KCTD16: variants seen among roughly 807,000 people sequenced by gnomAD.
The protein encoded by KCTD16 is potassium channel tetramerization domain containing 16, also known as BTB/POZ domain-containing protein KCTD16.
In KCTD16, 13 loss-of-function variants were observed where a neutral mutation model predicts 33.2. That is an observed-to-expected ratio of 0.39 (90% confidence interval 0.25 to 0.62). The LOEUF (loss-of-function observed/expected upper bound fraction) is 0.62. Among genes scored for constraint, KCTD16 ranks in the 20% least tolerant of loss-of-function variants. The pLI, the probability that KCTD16 is intolerant of heterozygous loss-of-function variation, is 0.50. For missense variants in KCTD16, 441 were observed against 525.1 expected (o/e 0.84, Z 1.57); for synonymous variants, 197 against 195.3 (o/e 1.01, Z -0.07).
At chr5:144,379,148 A>C (rs143221059) in intron 3 of KCTD16, among the ~76,000 whole-genome samples, 36 of 152,258 alleles carry the variant, frequency 2.4e-4, no homozygotes, top group Non-Finnish European at 4.7e-4. Flanking sequence ...TATGCCTTTT[A>C]CGACTACCCA....
chr5:144,238,335 T>C (rs1580811626), intron 3 of KCTD16, among the ~76,000 whole-genome samples: 1 of 152,190 alleles, frequency 6.6e-6, no homozygotes, highest in African/African-American at 2.4e-5. Context: ...AGGGACTTCT[T>C]TCTCAATGTC....
intron 3 of KCTD16, among the ~76,000 whole-genome samples, chr5:144,385,962 T>C (rs1351877169): frequency 2.0e-5 from 3 of 152,178 alleles, no homozygotes; most frequent in African/African-American, 4.8e-5. Flanking sequence ...ATATTCATGG[T>C]AGAGAGTGAG....
intron 2 of KCTD16, chr5:144,205,725 T>C (rs1753149718): frequency 5.0e-6 from 2 of 396,912 alleles, no homozygotes; most frequent in South Asian, 2.7e-4. Flanking sequence ...GAATATTTTC[T>C]CTGCTTTACT....
chr5:144,316,270 C>G lies in KCTD16; in HGVS notation c.832+108724C>G, dbSNP rs6879535. Among the ~76,000 whole-genome samples, 1,487 of 152,210 alleles carry G rather than the reference C, an allele frequency of 9.8e-3. 21 individuals are homozygous for G. The highest frequency in any genetic ancestry group is 0.034 in the African/African-American group (1,397 of 41,520). ...CTGCCCTGGGCATCTGCCTGGACTT[C>G]TTACAGAGGGAAACCGAGCTTGTAG... On this transcript the variant is annotated intron_variant, in intron 3 of 3. Transcript: ENST00000512467.
At chr5:144,467,094 T>A (rs1392246546) in intron 3 of KCTD16, among the ~76,000 whole-genome samples, 2 of 140,486 alleles carry the variant, frequency 1.4e-5, no homozygotes. Flanking sequence ...GTTATATATA[T>A]TATATATAAT....
At chr5:144,439,033 GTT>G (rs58143416) in intron 3 of KCTD16, among the ~76,000 whole-genome samples, 2,002 of 147,416 alleles carry the variant, frequency 0.014, 41 homozygotes, top group African/African-American at 0.046. Flanking sequence ...AATTTCATCT[GTT>G]TTTTTTTTCT....
intron 3 of KCTD16, among the ~76,000 whole-genome samples, chr5:144,254,412 A>C (rs933867244): frequency 6.6e-6 from 1 of 152,060 alleles, no homozygotes; most frequent in Admixed American, 6.5e-5. Context: ...TTATCTGGGA[A>C]ACAGTTTCCT....
chr5:144,378,962 T>C (rs977163964), intron 3 of KCTD16, among the ~76,000 whole-genome samples: 8 of 152,190 alleles, frequency 5.3e-5, no homozygotes, highest in Non-Finnish European at 8.8e-5. Context: ...CGATATTAAT[T>C]GTGGCCTTTC....
chr5:144,329,185 T>TC (rs1752289731), intron 3 of KCTD16, among the ~76,000 whole-genome samples: 1 of 152,180 alleles, frequency 6.6e-6, no homozygotes, highest in African/African-American at 2.4e-5. Flanking sequence ...ATTTGGCTGA[T>TC]CAGGCCTGAC....
chr5:144,325,214 A>G (rs1240646059), intron 3 of KCTD16, among the ~76,000 whole-genome samples: 1 of 152,158 alleles, frequency 6.6e-6, no homozygotes, highest in Non-Finnish European at 1.5e-5. Flanking sequence ...ACAGACACAC[A>G]TATACACAAA....
chr5:144,321,018 G>T (rs1018418459), intron 3 of KCTD16, among the ~76,000 whole-genome samples: 1 of 151,952 alleles, frequency 6.6e-6, no homozygotes, highest in African/African-American at 2.4e-5. Flanking sequence ...ACCACACTTG[G>T]GTAATTTTGT....
chr5:144,452,143 A>T (rs1753957098), intron 3 of KCTD16, among the ~76,000 whole-genome samples: 1 of 136,786 alleles, frequency 7.3e-6, no homozygotes, highest in Non-Finnish European at 1.5e-5. Context: ...AATATATATA[A>T]TATTATATAT....
intron 3 of KCTD16, among the ~76,000 whole-genome samples, chr5:144,230,045 G>A (rs750934538): frequency 1.2e-4 from 19 of 152,310 alleles, no homozygotes; most frequent in Middle Eastern, 3.4e-3. Context: ...GGGAGGCTGA[G>A]GGACAAGAAT....
chr5:144,365,611 T>A (rs1253551249), intron 3 of KCTD16, among the ~76,000 whole-genome samples: 1 of 152,190 alleles, frequency 6.6e-6, no homozygotes, highest in Non-Finnish European at 1.5e-5. Flanking sequence ...TAGCCTGTTG[T>A]TTTCTTGAGA....
chr5:144,389,591 A>G (rs1311316068), intron 3 of KCTD16, among the ~76,000 whole-genome samples: 2 of 152,048 alleles, frequency 1.3e-5, no homozygotes, highest in Non-Finnish European at 2.9e-5. Context: ...ATATAGTGCA[A>G]TGTAATAATA....
At chr5:144,309,268 A>G (rs1173337977) in intron 3 of KCTD16, among the ~76,000 whole-genome samples, 2 of 151,740 alleles carry the variant, frequency 1.3e-5, no homozygotes, top group Non-Finnish European at 2.9e-5. Flanking sequence ...CAAGTTTGAA[A>G]CTCTTGATCA....
intron 1 of KCTD16, 103 bp from the exon 2 acceptor site, chr5:144,174,204 C>T (rs1424976382): frequency 6.6e-6 from 1 of 152,192 alleles, no homozygotes; most frequent in African/African-American, 2.4e-5. Context: ...CACACTAACA[C>T]TTTTACATGC....
chr5:144,422,508 G>A lies in KCTD16; in HGVS notation c.833-51152G>A, dbSNP rs187912304. On this transcript the variant is annotated intron_variant, in intron 3 of 3. Coordinates refer to ENST00000512467, the MANE Select transcript of KCTD16 (RefSeq NM_020768.4). Reference sequence around the variant, plus strand: ...CTATTTATTCTTATTACTTGGCACAGAGCCATCTCAACTCCGTCTCCAAAT... The same window carrying A: ...CTATTTATTCTTATTACTTGGCACAAAGCCATCTCAACTCCGTCTCCAAAT... Among the ~76,000 whole-genome samples, 282 of 152,286 alleles carry A rather than the reference G, an allele frequency of 1.9e-3. 1 individual carries two copies. Among genetic ancestry groups the A allele is most frequent in the African/African-American group, 6.5e-3 (271 of 41,578 alleles).
intron 3 of KCTD16, among the ~76,000 whole-genome samples, chr5:144,351,204 T>G (rs1751419072): frequency 6.6e-6 from 1 of 152,202 alleles, no homozygotes; most frequent in Admixed American, 6.5e-5. Context: ...CCCTTTTTTA[T>G]TCTTTCTACG....
Sources: allele counts gnomAD v4.1 joint callset (sites outside exome capture counted in the v4.1 genomes callset), GRCh38; gene constraint gnomAD v4.1.1; transcripts MANE v1.5; gene names NCBI Gene and HGNC (gene_info 2026-07-23, HGNC 2026-07-21).